ITPR1: variants seen among roughly 807,000 people sequenced by gnomAD.
ITPR1 encodes inositol 1,4,5-trisphosphate-gated calcium channel ITPR1.
ITPR1 carries 96 observed loss-of-function variants against 318.4 expected under a neutral mutation model. The observed-to-expected ratio is 0.30, with a 90% CI of 0.26 to 0.36. ITPR1 has a LOEUF of 0.36. Among genes scored for constraint, ITPR1 ranks in the 10% least tolerant of loss-of-function variants. The pLI is 1.00. For missense variants in ITPR1, 2,440 were observed against 3,460.2 expected (o/e 0.71, Z 7.40); for synonymous variants, 1,312 against 1,289.9 (o/e 1.02, Z -0.37).
chr3:4,613,470 C>A (rs1221769079), intron 4 of ITPR1, among the ~76,000 whole-genome samples: 1 of 152,122 alleles, frequency 6.6e-6, no homozygotes, highest in Admixed American at 6.5e-5. Context: ...TTGGGGGGAA[C>A]TTCCCTCTGT....
intron 2 of ITPR1, among the ~76,000 whole-genome samples, chr3:4,496,933 G>A (rs1218400674): frequency 1.3e-5 from 2 of 152,240 alleles, no homozygotes; most frequent in South Asian, 2.1e-4. Flanking sequence ...AGGTCAAGCT[G>A]TCTTTGGCTA....
chr3:4,631,284 C>G (rs1162599200), intron 5 of ITPR1, among the ~76,000 whole-genome samples: 1 of 152,206 alleles, frequency 6.6e-6, no homozygotes, highest in Admixed American at 6.5e-5. Flanking sequence ...TGCACACAAT[C>G]ACCAACCATA....
At chr3:4,785,589 C>T (rs533716584) in intron 51 of ITPR1, among the ~76,000 whole-genome samples, 6 of 152,240 alleles carry the variant, frequency 3.9e-5, no homozygotes, top group Non-Finnish European at 4.4e-5. Flanking sequence ...ATCATTAATG[C>T]CTAGGAGCTT....
intron 4 of ITPR1, among the ~76,000 whole-genome samples, chr3:4,608,287 C>T (rs1464119091): frequency 6.6e-6 from 1 of 152,070 alleles, no homozygotes; most frequent in African/African-American, 2.4e-5. Flanking sequence ...CAGGAGCAGC[C>T]AGGGTTGAGA....
intron 24 of ITPR1, among the ~76,000 whole-genome samples, chr3:4,678,650 C>G (rs558273960): frequency 4.6e-5 from 7 of 152,196 alleles, no homozygotes; most frequent in African/African-American, 1.7e-4. Context: ...AGACTGGAGT[C>G]CGGGAGTGGG....
At chr3:4,834,207 T>C (rs1466392147) in intron 60 of ITPR1, among the ~76,000 whole-genome samples, 2 of 152,068 alleles carry the variant, frequency 1.3e-5, no homozygotes, top group Non-Finnish European at 2.9e-5. Context: ...AAAAAGAAAA[T>C]CTAGATGGTC....
intron 24 of ITPR1, among the ~76,000 whole-genome samples, chr3:4,677,540 A>C (rs2094209130): frequency 6.6e-6 from 1 of 152,160 alleles, no homozygotes; most frequent in Admixed American, 6.5e-5. Flanking sequence ...AGCAGCAAAC[A>C]CAAAGACCCC....
intron 44 of ITPR1, among the ~76,000 whole-genome samples, chr3:4,753,649 C>T (rs1160836753): frequency 6.6e-6 from 1 of 152,108 alleles, no homozygotes; most frequent in Non-Finnish European, 1.5e-5. Context: ...CAGTCTTCAT[C>T]AAGGAGGCAC....
intron 13 of ITPR1, among the ~76,000 whole-genome samples, chr3:4,659,187 A>G (rs1451422666): frequency 1.3e-5 from 2 of 152,024 alleles, no homozygotes; most frequent in Non-Finnish European, 2.9e-5. Context: ...GTGAAGTATT[A>G]GTTGTGTTTC....
intron 37 of ITPR1, 118 bp downstream of exon 37, chr3:4,706,469 G>A: frequency 1.2e-6 from 1 of 856,938 alleles, no homozygotes; most frequent in Non-Finnish European, 1.7e-6. Context: ...ATGTCGGTGT[G>A]CTGAACGAAT....
At chr3:4,693,169 G>A (rs2125248764) in intron 32 of ITPR1, among the ~76,000 whole-genome samples, 1 of 152,280 alleles carries the variant, frequency 6.6e-6, no homozygotes, top group East Asian at 1.9e-4. Flanking sequence ...AAATATCATA[G>A]CCTAATTGGT....
chr3:4,683,331 G>A (rs897971687), intron 26 of ITPR1, 55 bp from the exon 27 acceptor site: 168 of 1,591,994 alleles, frequency 1.1e-4, no homozygotes, highest in Middle Eastern at 1.7e-4. Context: ...CCCAAGGGGC[G>A]TGAGAGGAGG....
At chr3:4,721,194 A>G (rs865908693) in intron 40 of ITPR1, among the ~76,000 whole-genome samples, 2 of 75,666 alleles carry the variant, frequency 2.6e-5, no homozygotes, top group East Asian at 4.7e-4. Context: ...ATATATATAT[A>G]TATATATATG....
chr3:4,693,413 C>A, intron 32 of ITPR1, 77 bp from the exon 33 acceptor site: 1 of 1,499,634 alleles, frequency 6.7e-7, no homozygotes, highest in Non-Finnish European at 9.2e-7. Flanking sequence ...CCTCTCTCTT[C>A]CTCTGTGAAT....
chr3:4,684,250 A>G, intron 28 of ITPR1, 31 bp from the exon 29 acceptor site: 1 of 1,484,064 alleles, frequency 6.7e-7, no homozygotes, highest in Non-Finnish European at 9.4e-7. Flanking sequence ...AGAGTTGTAC[A>G]GATCACACTT....
chr3:4,679,805 A>G (rs1315445597), intron 24 of ITPR1, among the ~76,000 whole-genome samples: 1 of 152,240 alleles, frequency 6.6e-6, no homozygotes, highest in African/African-American at 2.4e-5. Flanking sequence ...GATGTCCAAC[A>G]GTCTGTAGGA....
At chr3:4,798,156 C>T (rs540445236) in intron 53 of ITPR1, among the ~76,000 whole-genome samples, 1 of 152,272 alleles carries the variant, frequency 6.6e-6, no homozygotes, top group South Asian at 2.1e-4. Context: ...TTAAGCATTT[C>T]AGAAAATGAT....
intron 4 of ITPR1, among the ~76,000 whole-genome samples, chr3:4,581,619 G>C (rs2089349519): frequency 6.6e-6 from 1 of 152,190 alleles, no homozygotes; most frequent in South Asian, 2.1e-4. Context: ...GCTTTGTGCA[G>C]ACTCCACTGT....
intron 58 of ITPR1, 55 bp from the exon 59 acceptor site, chr3:4,814,998 G>A (rs577981493): frequency 8.3e-5 from 123 of 1,475,932 alleles, no homozygotes; most frequent in East Asian, 3.0e-4. Context: ...CCCAGGCTCC[G>A]CAGACCAAAG....
Sources: gnomAD v4.1 joint callset for allele counts (sites outside exome capture counted in the v4.1 genomes callset) on GRCh38, gnomAD v4.1.1 for gene constraint, MANE v1.5 for transcripts, NCBI Gene and HGNC (gene_info 2026-07-23, HGNC 2026-07-21) for gene names.